The following COBLL1 variants were observed in gnomAD, a reference collection of about 807,000 sequenced individuals.
COBLL1 encodes cordon-bleu WH2 repeat protein like 1.
In COBLL1, 50 loss-of-function variants were observed where a neutral mutation model predicts 94.8. That is an observed-to-expected ratio of 0.53 (90% confidence interval 0.42 to 0.67). The LOEUF is 0.67. COBLL1 is among the 30% of genes least tolerant of loss of function. The probability of loss-of-function intolerance (pLI) is 0.00; values close to 1 mark genes in which losing one functional copy is unlikely to be tolerated. For missense variants in COBLL1, 1,362 were observed against 1,348.7 expected, an observed-to-expected ratio of 1.01 and a Z score of -0.15; for synonymous variants, 448 against 473.8, an observed-to-expected ratio of 0.95 and a Z score of 0.71.
chr2:164,728,527 A>C (rs948754536), intron 4 of COBLL1, among the ~76,000 whole-genome samples: 2 of 152,042 alleles, frequency 1.3e-5, no homozygotes, highest in Admixed American at 1.3e-4. Flanking sequence ...AAATTAGCAA[A>C]TATACATAGT....
At chr2:164,756,571 T>A (rs1687418818) in intron 2 of COBLL1, among the ~76,000 whole-genome samples, 1 of 152,196 alleles carries the variant, frequency 6.6e-6, no homozygotes, top group South Asian at 2.1e-4. Context: ...AATAAACTTA[T>A]TCTAGTATCT....
intron 2 of COBLL1, among the ~76,000 whole-genome samples, chr2:164,794,803 A>G (rs1202159390): frequency 2.0e-5 from 3 of 152,196 alleles, no homozygotes; most frequent in Non-Finnish European, 4.4e-5. Flanking sequence ...CTTGCCCCAG[A>G]ATGCCTTCAT....
At chr2:164,817,939 A>G (rs1452725675) in intron 2 of COBLL1, among the ~76,000 whole-genome samples, 2 of 152,104 alleles carry the variant, frequency 1.3e-5, no homozygotes, top group Non-Finnish European at 2.9e-5. Context: ...TAATTTATCA[A>G]TATGTTGAAC....
At chr2:164,741,319 T>C (rs182269141) in intron 3 of COBLL1, among the ~76,000 whole-genome samples, 137 of 151,922 alleles carry the variant, frequency 9.0e-4, no homozygotes, top group African/African-American at 3.2e-3. Flanking sequence ...AGAGTGGTGG[T>C]GAAGGAAAAG....
chr2:164,801,670 A>G (rs1683814166), intron 2 of COBLL1, among the ~76,000 whole-genome samples: 1 of 152,040 alleles, frequency 6.6e-6, no homozygotes. Flanking sequence ...ACAAAAGTCA[A>G]TTTTACTGCA....
At chr2:164,796,938 G>A (rs980429586) in intron 2 of COBLL1, among the ~76,000 whole-genome samples, 1 of 152,052 alleles carries the variant, frequency 6.6e-6, no homozygotes, top group African/African-American at 2.4e-5. Context: ...TTGCACCACT[G>A]CACTTCAGCC....
At chr2:164,697,253 T>C (rs957392281) in intron 11 of COBLL1, 1 of 152,168 alleles carries the variant, frequency 6.6e-6, no homozygotes, top group Non-Finnish European at 1.5e-5. Context: ...AACTCATTTT[T>C]ATTCTTCCCA....
At chr2:164,698,668 T>C (rs1323969694) in intron 11 of COBLL1, among the ~76,000 whole-genome samples, 2 of 151,822 alleles carry the variant, frequency 1.3e-5, no homozygotes, top group Non-Finnish European at 2.9e-5. Context: ...GTGCCATGAG[T>C]AGTGCAAAGT....
intron 9 of COBLL1, 79 bp from the exon 10 acceptor site, chr2:164,700,835 T>G: frequency 1.2e-6 from 1 of 834,392 alleles, no homozygotes; most frequent in South Asian, 1.6e-5. Context: ...GAAGGAATTT[T>G]GAAAAATAAT....
intron 2 of COBLL1, among the ~76,000 whole-genome samples, chr2:164,806,927 A>C (rs1395614619): frequency 6.6e-6 from 1 of 152,018 alleles, no homozygotes; most frequent in African/African-American, 2.4e-5. Flanking sequence ...GCTGGTCTCA[A>C]ATTCCTGAGC....
chr2:164,802,428 T>A (rs547028644), intron 2 of COBLL1, among the ~76,000 whole-genome samples: 1 of 152,308 alleles, frequency 6.6e-6, no homozygotes, highest in South Asian at 2.1e-4. Context: ...GCCAGTAATA[T>A]ATCTGAAGGC....
chr2:164,756,470 TATA>T (rs1687412487), intron 2 of COBLL1, among the ~76,000 whole-genome samples: 2 of 152,164 alleles, frequency 1.3e-5, no homozygotes, highest in South Asian at 4.1e-4. Flanking sequence ...TTGTTTTGCT[TATA>T]ATATCTAAAA....
chr2:164,801,783 A>T (rs1214368886), intron 2 of COBLL1, among the ~76,000 whole-genome samples: 2 of 152,206 alleles, frequency 1.3e-5, no homozygotes, highest in African/African-American at 4.8e-5. Context: ...AAAAGTATCC[A>T]TGACAGGAGA....
intron 2 of COBLL1, among the ~76,000 whole-genome samples, chr2:164,749,499 T>A (rs1323454001): frequency 6.6e-6 from 1 of 152,198 alleles, no homozygotes; most frequent in African/African-American, 2.4e-5. Context: ...GGCAGTGTTT[T>A]GATGGCCACT....
At chr2:164,830,277 G>A (rs773077352) in intron 2 of COBLL1, among the ~76,000 whole-genome samples, 13 of 152,012 alleles carry the variant, frequency 8.6e-5, no homozygotes, top group Admixed American at 2.0e-4. Flanking sequence ...CCTTACCTAC[G>A]CTTTACAGTA....
At chr2:164,677,636 T>C (rs1051490170), downstream of COBLL1, among the ~76,000 whole-genome samples, 1 of 152,012 alleles carries the variant, frequency 6.6e-6, no homozygotes, top group African/African-American at 2.4e-5. Flanking sequence ...AGAGAAAGAG[T>C]TGATCTCACT....
At chr2:164,669,237 T>A (rs1691210836) in intron 1 of COBLL1, among the ~76,000 whole-genome samples, 1 of 152,242 alleles carries the variant, frequency 6.6e-6, no homozygotes, top group South Asian at 2.1e-4. Context: ...ATAGCCTTTG[T>A]TACATCCACT....
chr2:164,667,218 G>T (rs115687819), intron 1 of COBLL1, among the ~76,000 whole-genome samples: 81 of 152,108 alleles, frequency 5.3e-4, no homozygotes, highest in Non-Finnish European at 1.0e-3. Flanking sequence ...TGATGTCAAC[G>T]GTGGGCTTAA....
At chr2:164,733,099 T>G (rs975902293) in intron 3 of COBLL1, among the ~76,000 whole-genome samples, 3 of 152,080 alleles carry the variant, frequency 2.0e-5, no homozygotes, top group African/African-American at 7.2e-5. Context: ...ATTATTAAAG[T>G]TTTGTTTGGT....
Sources: gnomAD v4.1 joint callset for allele counts (sites outside exome capture counted in the v4.1 genomes callset) on GRCh38, gnomAD v4.1.1 for gene constraint, MANE v1.5 for transcripts, NCBI Gene and HGNC (gene_info 2026-07-23, HGNC 2026-07-21) for gene names.